CENPI: variants seen among roughly 807,000 people sequenced by gnomAD.
CENPI encodes the protein FSH primary response 1.
In CENPI, 4 loss-of-function variants were observed where a neutral mutation model predicts 60.4. The ratio of observed to expected loss-of-function variants is 0.07; its 90% CI spans 0.03 to 0.15. The LOEUF (loss-of-function observed/expected upper bound fraction) is 0.15. Ranked by LOEUF, CENPI falls within the 10% of genes least tolerant of loss-of-function variation. CENPI has a pLI of 1.00. For synonymous variants in CENPI, 157 were observed against 189.4 expected (o/e 0.83, Z 1.40); for missense variants, 444 against 534.5 (o/e 0.83, Z 1.67).
In CENPI at chrX:101,109,548, C is replaced by G. The variant is rs769851684; in HGVS notation, c.440C>G (p.Ala147Gly). The change falls in exon 5 of 22, where the codon GCA becomes GGA. Residue 147 changes from alanine (A) to glycine (G), a missense_variant. Transcript: ENST00000682095. ...TVISEDSVVKAVSWLCVGKCS... is the reference protein window; with the variant it reads ...TVISEDSVVKGVSWLCVGKCS... Reference sequence around the variant, plus strand: ...ATATCAGAAGATTCTGTGGTTAAGGCAGTCTCCTGGCTTTGTGTTGGCAAG... The same window carrying G: ...ATATCAGAAGATTCTGTGGTTAAGGGAGTCTCCTGGCTTTGTGTTGGCAAG... 14 of 1,207,137 alleles carry G rather than the reference C, an allele frequency of 1.2e-5. No homozygotes were observed. Among genetic ancestry groups the G allele is most frequent in the Non-Finnish European group, 1.6e-5 (14 of 892,344 alleles).
intron 20 of CENPI, among the ~76,000 whole-genome samples, chrX:101,151,589 T>C (rs1205260013): frequency 1.8e-5 from 2 of 111,307 alleles, no homozygotes; most frequent in African/African-American, 6.5e-5. Flanking sequence ...CGCAGCACTT[T>C]GGGAGGCCAA....
At chrX:101,170,086 G>A (rs2090153321), downstream of CENPI, among the ~76,000 whole-genome samples, 1 of 111,710 alleles carries the variant, frequency 9.0e-6, no homozygotes, top group South Asian at 3.7e-4. Flanking sequence ...GTTCAGTAAT[G>A]TCCTAGGCCT....
chrX:101,162,710 C>G (rs1040207660), intron 21 of CENPI, 123 bp from the exon 22 acceptor site: 17 of 720,146 alleles, frequency 2.4e-5, no homozygotes, highest in African/African-American at 1.1e-4. Flanking sequence ...TCATTTCCCC[C>G]CCGAACTAAT....
the CENPI span, among the ~76,000 whole-genome samples, chrX:101,176,170 C>T: frequency 1.8e-5 from 2 of 111,860 alleles, no homozygotes; most frequent in African/African-American, 6.5e-5. Context: ...TATGTATGTG[C>T]ATTTTTAATT....
the CENPI span, among the ~76,000 whole-genome samples, chrX:101,173,011 A>ATTTT: frequency 0.13 from 8,666 of 68,436 alleles, 701 homozygotes; most frequent in Non-Finnish European, 0.18. Flanking sequence ...AGTTGTAGGA[A>ATTTT]TTTTTTTTTT....
Position 101,162,946 on chromosome X carries a change from A to G in CENPI, c.2250A>G (p.Ile750Met). The change falls in exon 22 of 22, where the codon ATA becomes ATG. Residue 750 changes from isoleucine to methionine, a missense_variant. Ile to Met is a conservative substitution (Grantham distance 10, BLOSUM62 1). Transcript: ENST00000682095. Reference sequence around the variant, plus strand: ...CTTCCATTCCCAGAGCAGAGGGCATAAACTGCAACAATCAATATTAAATGA... The same window carrying G: ...CTTCCATTCCCAGAGCAGAGGGCATGAACTGCAACAATCAATATTAAATGA... ...HHSSIPRAEG[I>M]NCNNQY is the part of the protein sequence containing the mutation. 8.3e-7 allele frequency: 1 copy of G among 1,209,254 alleles called. No individual in the cohort carries two copies. The highest frequency in any genetic ancestry group is 1.1e-6 in the Non-Finnish European group (1 of 893,955).
intron 4 of CENPI, among the ~76,000 whole-genome samples, chrX:101,103,498 C>A (rs143509804): frequency 9.0e-6 from 1 of 110,805 alleles, no homozygotes; most frequent in African/African-American, 3.3e-5. Flanking sequence ...TGCGCCACCA[C>A]GCCTGACTAG....
At chrX:101,106,138 C>A (rs1238442674) in intron 4 of CENPI, among the ~76,000 whole-genome samples, 2 of 111,437 alleles carry the variant, frequency 1.8e-5, no homozygotes, top group Non-Finnish European at 3.8e-5. Context: ...ATATTGAATT[C>A]TCCCTTTGAA....
At chrX:101,103,979 CTT>C (rs1303746931) in intron 4 of CENPI, among the ~76,000 whole-genome samples, 2 of 103,488 alleles carry the variant, frequency 1.9e-5, no homozygotes. Flanking sequence ...TTCTTTCTTT[CTT>C]TTTTTTTTTT....
intron 6 of CENPI, among the ~76,000 whole-genome samples, chrX:101,115,217 G>A (rs1178788728): frequency 1.8e-5 from 2 of 109,870 alleles, no homozygotes; most frequent in Non-Finnish European, 3.8e-5. Context: ...GCCCTCCTTG[G>A]CCTCCCAAAG....
chrX:101,171,475 C>G, the CENPI span, among the ~76,000 whole-genome samples: 1 of 111,762 alleles, frequency 8.9e-6, no homozygotes, highest in Non-Finnish European at 1.9e-5. Flanking sequence ...GTGACACTTT[C>G]GCCCAGGCTA....
intron 18 of CENPI, 88 bp downstream of exon 18, chrX:101,146,365 G>A (rs1224548459): frequency 5.1e-5 from 47 of 913,937 alleles, no homozygotes; most frequent in Non-Finnish European, 6.8e-5. Flanking sequence ...ATTCCTACTC[G>A]TCTTCTGCCA....
intron 12 of CENPI, 39 bp from the exon 13 acceptor site, chrX:101,129,943 G>T: frequency 1.1e-6 from 1 of 927,185 alleles, no homozygotes; most frequent in Admixed American, 2.4e-5. Context: ...TTTTTATTGT[G>T]GTACAACTAG....
chrX:101,151,841 G>GAAAAAA (rs1216298839), intron 20 of CENPI, among the ~76,000 whole-genome samples: 1 of 60,346 alleles, frequency 1.7e-5, no homozygotes, highest in Non-Finnish European at 3.1e-5. Context: ...CTCAAAAAAA[G>GAAAAAA]AAAAAAAAAA....
At chrX:101,114,283 A>C in intron 6 of CENPI, among the ~76,000 whole-genome samples, 1 of 111,913 alleles carries the variant, frequency 8.9e-6, no homozygotes, top group Middle Eastern at 4.6e-3. Context: ...CAACCAACAA[A>C]CAAACACAGC....
chrX:101,123,496 A>G (rs1278501196), intron 8 of CENPI, among the ~76,000 whole-genome samples: 5 of 110,194 alleles, frequency 4.5e-5, no homozygotes, highest in Non-Finnish European at 5.7e-5. Flanking sequence ...TTGGGCTGTG[A>G]TTTTTTTCTG....
intron 20 of CENPI, among the ~76,000 whole-genome samples, chrX:101,148,852 G>A (rs1438617521): frequency 3.6e-5 from 4 of 111,465 alleles, no homozygotes; most frequent in Non-Finnish European, 7.5e-5. Flanking sequence ...TGAAAAAAAA[G>A]TGTGCAGGGT....
chrX:101,173,174 C>T, the CENPI span, among the ~76,000 whole-genome samples: 5 of 106,939 alleles, frequency 4.7e-5, no homozygotes, highest in Non-Finnish European at 9.6e-5. Context: ...CTCCACCATG[C>T]CCAGCTAATT....
intron 6 of CENPI, among the ~76,000 whole-genome samples, chrX:101,113,282 TACACACACACACACAC>T (rs533672702): frequency 1.2e-4 from 10 of 83,975 alleles, no homozygotes; most frequent in Middle Eastern, 5.8e-3. Context: ...TCCATCCCTT[TACACACACACACACAC>T]ACACACACAC....
Sources: gnomAD v4.1 joint callset for allele counts (sites outside exome capture counted in the v4.1 genomes callset) on GRCh38, gnomAD v4.1.1 for gene constraint, MANE v1.5 for transcripts, NCBI Gene and HGNC (gene_info 2026-07-23, HGNC 2026-07-21) for gene names.